OSBPL10: variants seen among roughly 807,000 people sequenced by gnomAD.
OSBPL10 encodes oxysterol binding protein like 10.
In OSBPL10, 49 loss-of-function variants were observed where a neutral mutation model predicts 81.7. That is an observed-to-expected ratio of 0.60 (90% confidence interval 0.48 to 0.76). The LOEUF (loss-of-function observed/expected upper bound fraction) is 0.76, where lower values mean the gene tolerates loss of function less well. OSBPL10 is among the 30% of genes least tolerant of loss of function. The probability of loss-of-function intolerance (pLI) is 0.00; values close to 1 mark genes in which losing one functional copy is unlikely to be tolerated. For synonymous variants in OSBPL10, 419 were observed against 383.6 expected (o/e 1.09, Z -1.08); for missense variants, 923 against 987.8 (o/e 0.93, Z 0.88).
At chr3:31,882,364 G>C (rs938282605) in intron 1 of OSBPL10, among the ~76,000 whole-genome samples, 48 of 152,302 alleles carry the variant, frequency 3.2e-4, no homozygotes, top group African/African-American at 1.1e-3. Context: ...AAATGTGTCA[G>C]AACCAGGGCT....
chr3:31,924,246 A>G (rs1697004566), intron 1 of OSBPL10, among the ~76,000 whole-genome samples: 2 of 151,972 alleles, frequency 1.3e-5, no homozygotes, highest in Non-Finnish European at 2.9e-5. Flanking sequence ...AAGAAAAGAA[A>G]AAAAGAAATA....
At position 31,769,450 on chromosome 3, in the gene OSBPL10, A is replaced by AAAAAAAC. The variant is rs1275450017; in HGVS notation, c.730-21331_730-21330insGTTTTTT. On this transcript the variant is annotated intron_variant, in intron 4 of 11. Transcript: ENST00000396556. ...ACAAGAGCAAAACTCCATCTCAAAA[A>AAAAAAAC]AAAAAAAACAAAAAAAAAACAAAAA... Among the ~76,000 whole-genome samples the AAAAAAAC allele has an allele frequency of 4.0e-4, 34 of 84,770 alleles. 10 individuals are homozygous for AAAAAAAC. In the East Asian group the frequency reaches 0.012, roughly 30 times the overall value. The allele number at this position is 84,770 out of a possible 152,430, so 55.6% of individuals were successfully genotyped here.
intron 1 of OSBPL10, among the ~76,000 whole-genome samples, chr3:31,963,782 A>G (rs1215212371): frequency 1.3e-5 from 2 of 152,136 alleles, no homozygotes; most frequent in African/African-American, 2.4e-5. Context: ...ATCTCTGGAT[A>G]AAAATGCTTT....
chr3:31,945,414 C>G (rs117445088), intron 1 of OSBPL10, among the ~76,000 whole-genome samples: 1 of 152,144 alleles, frequency 6.6e-6, no homozygotes, highest in Non-Finnish European at 1.5e-5. Context: ...CAGTGACATA[C>G]GATCCAGCCC....
chr3:31,842,977 CA>C (rs1700537318), intron 3 of OSBPL10, among the ~76,000 whole-genome samples: 2 of 152,178 alleles, frequency 1.3e-5, no homozygotes, highest in South Asian at 4.1e-4. Context: ...TAAGCAGCGA[CA>C]AACAGAGAGA....
intron 4 of OSBPL10, among the ~76,000 whole-genome samples, chr3:31,785,470 G>T (rs1026372399): frequency 6.6e-6 from 1 of 152,062 alleles, no homozygotes; most frequent in African/African-American, 2.4e-5. Context: ...TCACGAGGAA[G>T]AATTCCCAGA....
intron 5 of OSBPL10, among the ~76,000 whole-genome samples, chr3:31,737,784 G>A (rs1235377321): frequency 6.6e-6 from 1 of 151,996 alleles, no homozygotes; most frequent in Non-Finnish European, 1.5e-5. Context: ...CTGAGGTCAG[G>A]AGTTCGAGAC....
chr3:31,695,747 CCTCT>C (rs1157654582), intron 7 of OSBPL10, among the ~76,000 whole-genome samples: 12 of 152,202 alleles, frequency 7.9e-5, no homozygotes, highest in Non-Finnish European at 1.8e-4. Flanking sequence ...CTACCTGCTT[CCTCT>C]CTCTACTTGT....
At chr3:31,719,464 A>G (rs984213867) in intron 6 of OSBPL10, among the ~76,000 whole-genome samples, 2 of 152,204 alleles carry the variant, frequency 1.3e-5, no homozygotes, top group African/African-American at 4.8e-5. Context: ...TAAATATGTG[A>G]AAATATGCTT....
chr3:31,702,644 T>G, intron 6 of OSBPL10, 136 bp from the exon 7 acceptor site: 1 of 1,241,076 alleles, frequency 8.1e-7, no homozygotes, highest in Non-Finnish European at 1.1e-6. Context: ...GACCCAGTCC[T>G]ATTGGCCACG....
intron 1 of OSBPL10, among the ~76,000 whole-genome samples, chr3:31,905,601 C>A (rs992938689): frequency 7.9e-5 from 12 of 151,996 alleles, no homozygotes; most frequent in Non-Finnish European, 1.3e-4. Flanking sequence ...CCACCTGCCT[C>A]AGCCTCCCAA....
At chr3:32,046,876 AG>A (rs1699626978) in intron 1 of OSBPL10, among the ~76,000 whole-genome samples, 1 of 152,236 alleles carries the variant, frequency 6.6e-6, no homozygotes. Context: ...GTGGTGGAAC[AG>A]GGACATGCAA....
At chr3:31,763,589 C>T (rs1401696491) in intron 4 of OSBPL10, among the ~76,000 whole-genome samples, 2 of 152,182 alleles carry the variant, frequency 1.3e-5, no homozygotes, top group Non-Finnish European at 2.9e-5. Flanking sequence ...CATATACAAA[C>T]TGGGCCTTAG....
At chr3:31,812,752 A>AAGAG (rs1491415995) in intron 4 of OSBPL10, among the ~76,000 whole-genome samples, 1 of 49,054 alleles carries the variant, frequency 2.0e-5, no homozygotes, top group African/African-American at 9.7e-5. Context: ...GAAAGAAAGA[A>AAGAG]AGAAAGAAAG....
At chr3:31,764,018 G>A (rs912247263) in intron 4 of OSBPL10, among the ~76,000 whole-genome samples, 8 of 152,168 alleles carry the variant, frequency 5.3e-5, no homozygotes, top group Admixed American at 1.3e-4. Context: ...TCCTGCACAC[G>A]AACTGCTTAC....
intron 4 of OSBPL10, among the ~76,000 whole-genome samples, chr3:31,790,339 T>C (rs1698978739): frequency 6.6e-6 from 1 of 152,222 alleles, no homozygotes; most frequent in Admixed American, 6.5e-5. Flanking sequence ...CCAGGCCATT[T>C]GGCAATATGT....
intron 6 of OSBPL10, among the ~76,000 whole-genome samples, chr3:31,703,271 A>G (rs1270639863): frequency 6.6e-6 from 1 of 152,238 alleles, no homozygotes; most frequent in African/African-American, 2.4e-5. Context: ...CTCTGGTTAC[A>G]AGGTTAACTT....
At chr3:31,946,730 G>A (rs1033530039) in intron 1 of OSBPL10, among the ~76,000 whole-genome samples, 5 of 152,366 alleles carry the variant, frequency 3.3e-5, no homozygotes, top group Admixed American at 1.3e-4. Context: ...TCAAGGTGGA[G>A]CTGGGCTTTG....
chr3:31,866,568 G>C (rs78733939), intron 3 of OSBPL10, among the ~76,000 whole-genome samples: 3,336 of 152,280 alleles, frequency 0.022, 50 homozygotes, highest in Middle Eastern at 0.051. Flanking sequence ...GCTCTAACAT[G>C]CCCTGACTAA....
Sources: gnomAD v4.1 joint callset for allele counts (sites outside exome capture counted in the v4.1 genomes callset) on GRCh38, gnomAD v4.1.1 for gene constraint, MANE v1.5 for transcripts, NCBI Gene and HGNC (gene_info 2026-07-23, HGNC 2026-07-21) for gene names.